NINJ2: variants seen among roughly 807,000 people sequenced by gnomAD.
NINJ2 encodes the protein ninjurin-2.
In NINJ2, 12 loss-of-function variants were observed where a neutral mutation model predicts 11.7. The observed-to-expected ratio is 1.02, with a 90% CI of 0.66 to 1.66. NINJ2 has a LOEUF of 1.66. Among genes scored for constraint, NINJ2 ranks in the 40% most tolerant of loss-of-function variants. The pLI is 0.00. For missense variants in NINJ2, 187 were observed against 181.8 expected (o/e 1.03, Z -0.16); for synonymous variants, 93 against 76.8 (o/e 1.21, Z -1.10).
At chr12:625,900 A>G (rs1031895115) in intron 1 of NINJ2, among the ~76,000 whole-genome samples, 1 of 152,182 alleles carries the variant, frequency 6.6e-6, no homozygotes, top group African/African-American at 2.4e-5. Context: ...AACTGGAATC[A>G]CCTCCTTTAT....
chr12:565,906 CG>C, intron 2 of NINJ2, 43 bp downstream of exon 2: 1 of 1,568,202 alleles, frequency 6.4e-7, no homozygotes, highest in Admixed American at 1.7e-5. Context: ...CTGCCAGCCA[CG>C]GGTGCCGAGG....
chr12:638,141 G>A (rs1331070851), intron 1 of NINJ2, among the ~76,000 whole-genome samples: 1 of 152,224 alleles, frequency 6.6e-6, no homozygotes. Context: ...CCAGTTGCAG[G>A]AGAGCACCTA....
chr12:587,929 C>T (rs11063749), intron 1 of NINJ2, among the ~76,000 whole-genome samples: 49,371 of 152,016 alleles, frequency 0.32, 8,176 homozygotes, highest in Admixed American at 0.41. Flanking sequence ...AGGGTAGGAG[C>T]CGTAGTATGA....
At chr12:634,229 T>C (rs1948315742) in intron 1 of NINJ2, among the ~76,000 whole-genome samples, 2 of 148,876 alleles carry the variant, frequency 1.3e-5, no homozygotes, top group East Asian at 2.0e-4. Context: ...CTCACATAAG[T>C]TGTGCTCACT....
chr12:610,092 T>G (rs10774373), intron 1 of NINJ2, among the ~76,000 whole-genome samples: 32,415 of 152,140 alleles, frequency 0.21, 3,658 homozygotes, highest in East Asian at 0.31. Flanking sequence ...CTAATTCATC[T>G]GGCATCACTG....
At chr12:570,568 G>A (rs954954094) in intron 1 of NINJ2, among the ~76,000 whole-genome samples, 1 of 152,232 alleles carries the variant, frequency 6.6e-6, no homozygotes, top group African/African-American at 2.4e-5. Context: ...CAGGCGGGTC[G>A]GGAACAGAGA....
intron 1 of NINJ2, among the ~76,000 whole-genome samples, chr12:602,098 A>G (rs1947881523): frequency 6.6e-6 from 1 of 152,198 alleles, no homozygotes. Context: ...AACCCCATGC[A>G]TAAGGTACGC....
intron 1 of NINJ2, among the ~76,000 whole-genome samples, chr12:630,664 A>G (rs1164397886): frequency 6.6e-6 from 1 of 152,208 alleles, no homozygotes; most frequent in East Asian, 1.9e-4. Context: ...GGCGTGAGCC[A>G]CCGCTCCCCG....
At chr12:659,284 A>G (rs1937925004) in intron 1 of NINJ2, among the ~76,000 whole-genome samples, 1 of 151,962 alleles carries the variant, frequency 6.6e-6, no homozygotes. Flanking sequence ...TTGGCAGATC[A>G]TCTTCACATT....
chr12:581,316 C>T lies in NINJ2; in HGVS notation c.34-15138G>A, dbSNP rs955584578. Among the ~76,000 whole-genome samples, 3 of 152,088 alleles carry T rather than the reference C, an allele frequency of 2.0e-5. No individual in the cohort carries two copies. Among genetic ancestry groups the T allele is most frequent in the African/African-American group, 7.2e-5 (3 of 41,398 alleles). On this transcript the variant is annotated intron_variant, in intron 1 of 3. Transcript: ENST00000305108. The surrounding 1 kb of genome is among the most constrained non-coding windows in gnomAD (Gnocchi z 4.9). ...ATACTGGTGCATTATCCGGAGGGAG[C>T]TCGGGGGGCCCAGGAGGTCAAGATA...
chr12:652,531 G>A (rs957840962), intron 1 of NINJ2, among the ~76,000 whole-genome samples: 12 of 152,074 alleles, frequency 7.9e-5, no homozygotes, highest in Non-Finnish European at 1.6e-4. Flanking sequence ...AGGACTTCCA[G>A]AAAGAAGGAA....
At chr12:634,262 G>GTTTTTTT (rs1565643231) in intron 1 of NINJ2, among the ~76,000 whole-genome samples, 2 of 75,622 alleles carry the variant, frequency 2.6e-5, no homozygotes, top group African/African-American at 7.9e-5. Context: ...ATTAGTTGCA[G>GTTTTTTT]TTCTTTTTTT....
chr12:605,014 G>A (rs560044405), intron 1 of NINJ2, among the ~76,000 whole-genome samples: 14 of 152,300 alleles, frequency 9.2e-5, no homozygotes, highest in Admixed American at 2.0e-4. Context: ...GAAATTTGAC[G>A]TTGCCTCAGC....
At chr12:618,819 G>C (rs1323102614) in intron 1 of NINJ2, among the ~76,000 whole-genome samples, 1 of 152,208 alleles carries the variant, frequency 6.6e-6, no homozygotes. Flanking sequence ...GGCAAGAGTG[G>C]AGAAGAGCAA....
chr12:636,205 C>T (rs545486412), intron 1 of NINJ2, among the ~76,000 whole-genome samples: 22 of 151,118 alleles, frequency 1.5e-4, no homozygotes, highest in African/African-American at 5.1e-4. Context: ...GGAGAAACCC[C>T]GTCTCTACTA....
intron 1 of NINJ2, among the ~76,000 whole-genome samples, chr12:607,122 T>C (rs142986898): frequency 4.6e-5 from 7 of 152,308 alleles, no homozygotes; most frequent in Non-Finnish European, 7.4e-5. Context: ...TCCTGATATA[T>C]TGCTACTCAA....
At chr12:577,430 C>CATATATATGTATAT in intron 1 of NINJ2, among the ~76,000 whole-genome samples, 1 of 93,988 alleles carries the variant, frequency 1.1e-5, no homozygotes, top group African/African-American at 3.7e-5. Context: ...TATATATATA[C>CATATATATGTATAT]ATATATATAT....
intron 1 of NINJ2, among the ~76,000 whole-genome samples, chr12:649,706 G>A (rs1214989534): frequency 6.6e-6 from 1 of 151,814 alleles, no homozygotes; most frequent in Non-Finnish European, 1.5e-5. Context: ...AGTAACAGAT[G>A]AAAATAAATC....
intron 1 of NINJ2, among the ~76,000 whole-genome samples, chr12:629,881 C>CAAAAAA (rs1179186409): frequency 7.8e-3 from 26 of 3,352 alleles, no homozygotes; most frequent in African/African-American, 8.9e-3. Context: ...GAGCAAAACT[C>CAAAAAA]AAAAAAAAAA....
Sources: allele counts gnomAD v4.1 joint callset (sites outside exome capture counted in the v4.1 genomes callset), GRCh38; gene constraint gnomAD v4.1.1; non-coding constraint Gnocchi (gnomAD v3.1); transcripts MANE v1.5; gene names NCBI Gene and HGNC (gene_info 2026-07-23, HGNC 2026-07-21).